DPY19L2: variants seen among roughly 807,000 people sequenced by gnomAD.
DPY19L2 encodes the protein dpy-19 like 2.
DPY19L2 carries 34 observed loss-of-function variants against 97.9 expected under a neutral mutation model. The ratio of observed to expected loss-of-function variants is 0.35; its 90% CI spans 0.26 to 0.46. The LOEUF is 0.46. Among genes scored for constraint, DPY19L2 ranks in the 20% least tolerant of loss-of-function variants. The pLI, the probability that DPY19L2 is intolerant of heterozygous loss-of-function variation, is 1.00. For synonymous variants in DPY19L2, 230 were observed against 307.9 expected, an observed-to-expected ratio of 0.75 and a Z score of 2.65; for missense variants, 623 against 911.4, an observed-to-expected ratio of 0.68 and a Z score of 4.07.
At position 63,663,804 on chromosome 12, in the gene DPY19L2, G is replaced by A. The variant is rs776476639; in HGVS notation, c.404C>T (p.Ser135Phe). ...VTLFENDRHF[S>F]HLSSLEREMT... is the part of the protein sequence containing the mutation. The stretch of plus-strand genomic sequence containing the variant: ...CTCCCGTTCCAAAGATGAGAGGTGA[G>A]AGAAATGACGATCATTTTCAAAAAG... Residue 135 changes from serine to phenylalanine, a missense_variant, in exon 3 of 22, where the codon TCT (serine) becomes TTT (phenylalanine). Around this residue, in one of 6 missense-constraint regions of DPY19L2, gnomAD observed 84 missense variants for 125.4 expected, o/e 0.67. Transcript: ENST00000324472. 6.2e-7 allele frequency: 1 copy of A among 1,605,712 alleles called. No homozygotes were observed. The highest frequency in any genetic ancestry group is 1.1e-5 in the South Asian group (1 of 88,328).
intron 20 of DPY19L2, among the ~76,000 whole-genome samples, chr12:63,570,220 A>G (rs1051293990): frequency 4.2e-4 from 64 of 152,346 alleles, no homozygotes; most frequent in African/African-American, 1.5e-3. Flanking sequence ...TTAGACATCA[A>G]TGGAAACTAG....
intron 1 of DPY19L2, 46 bp downstream of exon 1, chr12:63,668,011 A>T: frequency 6.4e-7 from 1 of 1,568,752 alleles, no homozygotes; most frequent in Non-Finnish European, 8.6e-7. Flanking sequence ...GACTCAAGAA[A>T]AGCGCCATGC....
chr12:63,622,985 A>C (rs7961867), intron 8 of DPY19L2, among the ~76,000 whole-genome samples: 12,185 of 152,170 alleles, frequency 0.08, 761 homozygotes, highest in African/African-American at 0.17. Context: ...GTTTTAAAAA[A>C]TAAGGAAGAC....
intron 18 of DPY19L2, among the ~76,000 whole-genome samples, chr12:63,581,902 G>A (rs1398556837): frequency 1.3e-5 from 2 of 151,430 alleles, no homozygotes; most frequent in Non-Finnish European, 2.9e-5. Flanking sequence ...CCAGGTTCAA[G>A]CAATTCTCCT....
intron 6 of DPY19L2, among the ~76,000 whole-genome samples, chr12:63,631,256 TC>T (rs1195511785): frequency 2.6e-5 from 4 of 151,766 alleles, no homozygotes; most frequent in African/African-American, 7.3e-5. Flanking sequence ...AAAAACCCCT[TC>T]AAAAAATCAA....
At chr12:63,612,717 G>T (rs1285672530) in intron 11 of DPY19L2, among the ~76,000 whole-genome samples, 1 of 150,552 alleles carries the variant, frequency 6.6e-6, no homozygotes, top group Non-Finnish European at 1.5e-5. Context: ...AAGCAGTAGA[G>T]CAAATCAATG....
intron 16 of DPY19L2, among the ~76,000 whole-genome samples, chr12:63,588,988 C>T (rs1046009097): frequency 4.0e-5 from 6 of 151,732 alleles, no homozygotes; most frequent in Non-Finnish European, 7.4e-5. Flanking sequence ...CTCCTGACCT[C>T]GTGATCCGCC....
At chr12:63,649,995 T>C (rs1893967822) in intron 4 of DPY19L2, among the ~76,000 whole-genome samples, 1 of 152,070 alleles carries the variant, frequency 6.6e-6, no homozygotes, top group Admixed American at 6.6e-5. Context: ...GCTTTATTCC[T>C]AGGATGCAAG....
intron 21 of DPY19L2, among the ~76,000 whole-genome samples, chr12:63,564,746 T>C (rs1474975671): frequency 6.6e-6 from 1 of 152,180 alleles, no homozygotes; most frequent in East Asian, 1.9e-4. Context: ...GTCATATTGG[T>C]TGATGGCATC....
chr12:63,559,938 C>T lies in DPY19L2; in HGVS notation c.*574G>A, dbSNP rs1002386092. ...ACAAAACAAAGTGTTTTTAAAAACA[C>T]TTCAACTTGAAATTATTAAAAAAAA... On this transcript the variant is annotated 3_prime_UTR_variant, in exon 22 of 22. Transcript: ENST00000324472. The T allele has an allele frequency of 6.6e-6, 1 of 151,956 alleles. No individual in the cohort carries two copies. The highest frequency in any genetic ancestry group is 2.4e-5 in the African/African-American group (1 of 41,372). The allele number at this position is 151,956 out of a possible 1,614,324, so 9.4% of individuals were successfully genotyped here.
chr12:63,636,330 A>T (rs968879445), intron 6 of DPY19L2, among the ~76,000 whole-genome samples: 1 of 152,188 alleles, frequency 6.6e-6, no homozygotes, highest in Admixed American at 6.5e-5. Flanking sequence ...AACATGCTAA[A>T]TTGTAAAGAC....
intron 16 of DPY19L2, among the ~76,000 whole-genome samples, chr12:63,588,839 C>T (rs1257953600): frequency 6.6e-6 from 1 of 151,234 alleles, no homozygotes; most frequent in African/African-American, 2.4e-5. Flanking sequence ...CTGAAACCTC[C>T]GCCTCCCGGG....
At chr12:63,608,372 T>C (rs1455775180) in intron 12 of DPY19L2, among the ~76,000 whole-genome samples, 2 of 152,092 alleles carry the variant, frequency 1.3e-5, no homozygotes, top group African/African-American at 4.8e-5. Flanking sequence ...GAATGAAACA[T>C]AAAGGAAGAG....
intron 6 of DPY19L2, among the ~76,000 whole-genome samples, chr12:63,629,967 A>G (rs1890289483): frequency 1.3e-5 from 2 of 152,156 alleles, no homozygotes; most frequent in African/African-American, 2.4e-5. Flanking sequence ...AGCCAAACTA[A>G]GCTTCATAAG....
At chr12:63,579,209 G>C (rs551712205) in intron 19 of DPY19L2, among the ~76,000 whole-genome samples, 1 of 152,160 alleles carries the variant, frequency 6.6e-6, no homozygotes, top group Admixed American at 6.5e-5. Flanking sequence ...ATTAGAAAAA[G>C]GTATTCCCCT....
chr12:63,576,125 A>T (rs758554139), intron 19 of DPY19L2, among the ~76,000 whole-genome samples: 4 of 152,022 alleles, frequency 2.6e-5, no homozygotes, highest in Non-Finnish European at 4.4e-5. Flanking sequence ...TCAGGGATGC[A>T]AAGATAGTTC....
intron 4 of DPY19L2, among the ~76,000 whole-genome samples, chr12:63,649,130 A>G (rs1322922371): frequency 6.6e-6 from 1 of 152,168 alleles, no homozygotes. Flanking sequence ...CTTTGAAACT[A>G]ATGAAAATAA....
Position 63,560,604 on chromosome 12 carries a change from G to A in DPY19L2, c.2185C>T (p.Pro729Ser), listed in dbSNP as rs199856082. The A allele has an allele frequency of 2.2e-5, 35 of 1,614,002 alleles. No homozygotes were observed. The African/African-American group carries it at 2.3e-4, about 10-fold the overall frequency. The change falls in exon 22 of 22, where the codon CCT (proline) becomes TCT (serine). Residue 729 changes from proline to serine, a missense_variant. Physicochemically the swap from Pro to Ser is moderately conservative, Grantham distance 74. Coordinates refer to ENST00000324472, the MANE Select transcript of DPY19L2 (RefSeq NM_173812.5). Reference sequence around the variant, plus strand: ...TCGAGCAGGACGCTACATAAGGGAGGGTTAGCTGCATTGGAAGGGTCTTCC... The same window carrying A: ...TCGAGCAGGACGCTACATAAGGGAGAGTTAGCTGCATTGGAAGGGTCTTCC... ...DVEDPSNAAN[P>S]PLCSVLLEDA...
chr12:63,583,067 G>C (rs2137380044), intron 17 of DPY19L2, among the ~76,000 whole-genome samples: 1 of 152,224 alleles, frequency 6.6e-6, no homozygotes, highest in Admixed American at 6.5e-5. Context: ...TTTGGATTTT[G>C]GGTTTTCAGG....
Sources: gnomAD v4.1 joint callset for allele counts (sites outside exome capture counted in the v4.1 genomes callset) on GRCh38, gnomAD v4.1.1 for gene constraint, gnomAD v4.1.1 regional missense constraint, MANE v1.5 for transcripts, NCBI Gene and HGNC (gene_info 2026-07-23, HGNC 2026-07-21) for gene names.